The following ENTREP2 variants were observed in gnomAD, a reference collection of about 807,000 sequenced individuals.
ENTREP2 encodes the protein protein ENTREP2.
chr15:29,162,729 G>C, the ENTREP2 span, among the ~76,000 whole-genome samples: 1 of 149,334 alleles, frequency 6.7e-6, no homozygotes, highest in Non-Finnish European at 1.5e-5. Context: ...TACCCACTCT[G>C]GTAGCAGAAA....
chr15:29,184,730 CTAG>C, the ENTREP2 span, among the ~76,000 whole-genome samples: 1 of 152,182 alleles, frequency 6.6e-6, no homozygotes, highest in Non-Finnish European at 1.5e-5. Flanking sequence ...CAAAATAATA[CTAG>C]TAGGTTTTAT....
At chr15:29,236,760 ATAAT>A in the ENTREP2 span, among the ~76,000 whole-genome samples, 1 of 152,234 alleles carries the variant, frequency 6.6e-6, no homozygotes, top group South Asian at 2.1e-4. Flanking sequence ...TGCCTAAAGA[ATAAT>A]TAACATCAAT....
chr15:29,577,810 T>C, the ENTREP2 span, among the ~76,000 whole-genome samples: 2 of 152,194 alleles, frequency 1.3e-5, no homozygotes, highest in African/African-American at 4.8e-5. Context: ...AACATTAGGC[T>C]AAGTGAAATA....
the ENTREP2 span, chr15:29,269,207 T>C: frequency 6.2e-7 from 1 of 1,614,154 alleles, no homozygotes; most frequent in Non-Finnish European, 8.5e-7. Context: ...TCACCCCTCA[T>C]CTCGGCATCC....
At chr15:29,178,959 G>A in the ENTREP2 span, among the ~76,000 whole-genome samples, 1 of 152,214 alleles carries the variant, frequency 6.6e-6, no homozygotes, top group East Asian at 1.9e-4. Flanking sequence ...GCAGTCTGGT[G>A]ATACTGAGCT....
chr15:29,281,931 G>A, the ENTREP2 span, among the ~76,000 whole-genome samples: 4 of 152,322 alleles, frequency 2.6e-5, no homozygotes, highest in South Asian at 6.2e-4. Flanking sequence ...TGAGACTACA[G>A]GTTGGTAGTC....
the ENTREP2 span, among the ~76,000 whole-genome samples, chr15:29,433,467 A>G: frequency 6.6e-6 from 1 of 152,216 alleles, no homozygotes; most frequent in Non-Finnish European, 1.5e-5. Context: ...AGTAATTCAC[A>G]TATCCATGAG....
chr15:29,324,946 G>A, the ENTREP2 span, among the ~76,000 whole-genome samples: 5 of 152,036 alleles, frequency 3.3e-5, no homozygotes, highest in Non-Finnish European at 5.9e-5. Context: ...CTTGGCCAGA[G>A]AACACACGTA....
At chr15:29,657,995 A>C in the ENTREP2 span, among the ~76,000 whole-genome samples, 1 of 152,238 alleles carries the variant, frequency 6.6e-6, no homozygotes. Context: ...TCAGATTCTA[A>C]AGGCCATATG....
chr15:29,657,215 CTT>C, the ENTREP2 span, among the ~76,000 whole-genome samples: 9 of 146,642 alleles, frequency 6.1e-5, no homozygotes, highest in African/African-American at 2.3e-4. Context: ...GCCGCGCCAG[CTT>C]TTTTTTTTTC....
the ENTREP2 span, among the ~76,000 whole-genome samples, chr15:29,620,048 T>C: frequency 6.6e-6 from 1 of 151,578 alleles, no homozygotes; most frequent in Non-Finnish European, 1.5e-5. Context: ...AATGTGGGGG[T>C]TTATTATAGG....
chr15:29,374,740 G>A, the ENTREP2 span: 2 of 151,882 alleles, frequency 1.3e-5, no homozygotes, highest in African/African-American at 4.8e-5. Flanking sequence ...AAAGCTCTGT[G>A]ATTTTTTTCC....
At chr15:29,203,542 T>G in the ENTREP2 span, among the ~76,000 whole-genome samples, 1 of 152,248 alleles carries the variant, frequency 6.6e-6, no homozygotes, top group Admixed American at 6.5e-5. Context: ...ATTTCTCTAA[T>G]GATCAGTGAT....
chr15:29,605,819 A>G, the ENTREP2 span, among the ~76,000 whole-genome samples: 1 of 152,312 alleles, frequency 6.6e-6, no homozygotes, highest in Non-Finnish European at 1.5e-5. Context: ...TGGGTGACAG[A>G]GTGAGACACC....
chr15:29,613,880 C>G, the ENTREP2 span: 1 of 167,418 alleles, frequency 6.0e-6, no homozygotes, highest in Non-Finnish European at 1.3e-5. Flanking sequence ...CTCACCATGC[C>G]CAAACTCACC....
the ENTREP2 span, among the ~76,000 whole-genome samples, chr15:29,453,929 T>C: frequency 2.6e-5 from 4 of 152,250 alleles, no homozygotes; most frequent in Admixed American, 2.6e-4. Context: ...TCAACTATGA[T>C]AAGTAAAGCT....
At chr15:29,247,121 T>A in the ENTREP2 span, among the ~76,000 whole-genome samples, 2 of 151,958 alleles carry the variant, frequency 1.3e-5, no homozygotes, top group Non-Finnish European at 2.9e-5. Flanking sequence ...TCTTAAATTA[T>A]GCAGAGAAAA....
chr15:29,252,551 A>G, the ENTREP2 span: 4 of 791,292 alleles, frequency 5.1e-6, no homozygotes, highest in Non-Finnish European at 2.1e-6. Flanking sequence ...TGGCTTTACA[A>G]CAGCTTTCAT....
At chr15:29,146,603 AC>A in the ENTREP2 span, among the ~76,000 whole-genome samples, 3 of 152,144 alleles carry the variant, frequency 2.0e-5, no homozygotes, top group African/African-American at 7.2e-5. Flanking sequence ...CTGGACCCCT[AC>A]CTCACACAGT....
Sources: gnomAD v4.1 joint callset for allele counts (sites outside exome capture counted in the v4.1 genomes callset) on GRCh38, gnomAD v4.1.1 for gene constraint, MANE v1.5 for transcripts, NCBI Gene and HGNC (gene_info 2026-07-23, HGNC 2026-07-21) for gene names.